Variants in GCNT4 observed in about 807,000 individuals in gnomAD.
GCNT4 encodes the protein glucosaminyl (N-acetyl) transferase 4.
Under a neutral mutation model 31.3 loss-of-function variants are expected in GCNT4, and 17 were observed. The ratio of observed to expected loss-of-function variants is 0.54; its 90% confidence interval spans 0.37 to 0.81. The LOEUF (loss-of-function observed/expected upper bound fraction) is 0.81. GCNT4 is among the 40% of genes least tolerant of loss of function. The pLI, the probability that GCNT4 is intolerant of heterozygous loss-of-function variation, is 0.00. For synonymous variants in GCNT4, 158 were observed against 190.6 expected (o/e 0.83, Z 1.41); for missense variants, 503 against 525.5 (o/e 0.96, Z 0.42).
intron 3 of GCNT4, among the ~76,000 whole-genome samples, chr5:75,035,503 ACT>A (rs1743176335): frequency 1.3e-5 from 2 of 152,030 alleles, no homozygotes; most frequent in African/African-American, 4.8e-5. Flanking sequence ...CCCTGGACGA[ACT>A]CTTAGTAGCT....
chr5:75,035,646 C>T (rs1022252257), intron 3 of GCNT4, among the ~76,000 whole-genome samples: 2 of 152,332 alleles, frequency 1.3e-5, no homozygotes, highest in Non-Finnish European at 2.9e-5. Context: ...TCCTCCTCAC[C>T]GGGTGTGACC....
intron 3 of GCNT4, among the ~76,000 whole-genome samples, chr5:75,044,839 G>A (rs1415508510): frequency 6.6e-6 from 1 of 152,044 alleles, no homozygotes; most frequent in Non-Finnish European, 1.5e-5. Context: ...CTTCAGGTTT[G>A]ACATTTTTTC....
At chr5:75,023,432 A>C (rs973294499), downstream of GCNT4, among the ~76,000 whole-genome samples, 1 of 152,216 alleles carries the variant, frequency 6.6e-6, no homozygotes, top group African/African-American at 2.4e-5. Flanking sequence ...CTTCAGGATT[A>C]TAATTTCTCT....
At chr5:75,043,766 C>T (rs957327115) in intron 3 of GCNT4, among the ~76,000 whole-genome samples, 1 of 152,084 alleles carries the variant, frequency 6.6e-6, no homozygotes, top group South Asian at 2.1e-4. Flanking sequence ...GAAAGATGAC[C>T]GTAGGAAAAG....
At chr5:75,049,929 C>T (rs143347046) in intron 2 of GCNT4, among the ~76,000 whole-genome samples, 53 of 152,376 alleles carry the variant, frequency 3.5e-4, no homozygotes, top group Non-Finnish European at 6.2e-4. Flanking sequence ...AAACCACCAG[C>T]ACTAAGGTTT....
intron 3 of GCNT4, among the ~76,000 whole-genome samples, chr5:75,043,480 A>AT (rs1029537586): frequency 7.2e-5 from 11 of 152,188 alleles, no homozygotes; most frequent in Non-Finnish European, 1.6e-4. Flanking sequence ...ATAATGTGGG[A>AT]TTTTGGGAAA....
chr5:75,028,881 T>C lies in GCNT4; in HGVS notation c.1157A>G (p.His386Arg). Reference protein sequence around the residue: ...GFFYPSCTGSHLRSVCIYGAA... With the variant: ...GFFYPSCTGSRLRSVCIYGAA... ...TCCATAAATACACACGCTTCGAAGG[T>C]GAGATCCAGTACAACTGGGATAGAA... Residue 386 changes from histidine (H) to arginine (R), a missense_variant, in exon 4 of 4, where the codon CAC becomes CGC. Physicochemically the swap from His to Arg is conservative, Grantham distance 29. Transcript: ENST00000652361. 1 of 1,613,998 alleles carries C rather than the reference T, an allele frequency of 6.2e-7. No individual in the cohort carries two copies. The highest frequency in any genetic ancestry group is 8.5e-7 in the Non-Finnish European group (1 of 1,179,976).
chr5:75,050,615 G>A (rs1039901007), intron 2 of GCNT4, among the ~76,000 whole-genome samples: 3 of 152,116 alleles, frequency 2.0e-5, no homozygotes, highest in Non-Finnish European at 4.4e-5. Context: ...AGCCTCGAAA[G>A]CTGCCCAGAC....
Position 75,029,878 on chromosome 5 carries a change from G to T in GCNT4, c.160C>A (p.Pro54Thr), listed in dbSNP as rs1743024981. The part of the protein sequence containing the change: ...YLVEYSLSTS[P>T]FVRNRYTHVK... ...TGAGTGTATCTGTTTCTTACAAAAG[G>T]CGAGGTACTTAGGGAGTACTCAACC... The change falls in exon 4 of 4, where the codon CCT becomes ACT. Residue 54 changes from proline (P) to threonine (T), a missense_variant. Pro to Thr is a conservative substitution (Grantham distance 38, BLOSUM62 -1). Transcript: ENST00000652361. 1 of 1,614,092 alleles carries T rather than the reference G, an allele frequency of 6.2e-7. No individual in the cohort carries two copies. Among genetic ancestry groups the T allele is most frequent in the African/African-American group, 1.3e-5 (1 of 75,022 alleles).
chr5:75,052,571 A>T (rs1021135545), upstream of GCNT4: 34 of 152,272 alleles, frequency 2.2e-4, no homozygotes, highest in African/African-American at 8.2e-4. Context: ...GGCACAAAAA[A>T]CTTGACCTTA....
At chr5:75,030,662 T>C (rs566305306) in intron 3 of GCNT4, 1 of 167,212 alleles carries the variant, frequency 6.0e-6, no homozygotes, top group South Asian at 2.1e-4. Context: ...ACACCCATTT[T>C]CACACAGGGA....
intron 3 of GCNT4, 182 bp downstream of exon 3, chr5:75,047,708 GTTTTTTT>G (rs937721515): frequency 6.7e-6 from 1 of 148,838 alleles, no homozygotes; most frequent in Non-Finnish European, 1.5e-5. Flanking sequence ...ACATTTTAGG[GTTTTTTT>G]TTTAAATTAA....
At chr5:75,018,628 C>T in the GCNT4 span, among the ~76,000 whole-genome samples, 4 of 152,070 alleles carry the variant, frequency 2.6e-5, no homozygotes, top group Non-Finnish European at 5.9e-5. Flanking sequence ...TGAATTAGAT[C>T]TTCTGACAGG....
the GCNT4 span, among the ~76,000 whole-genome samples, chr5:75,017,888 T>C: frequency 6.6e-6 from 1 of 152,248 alleles, no homozygotes; most frequent in African/African-American, 2.4e-5. Context: ...AAAAGCATCA[T>C]AGAGGGTTTT....
chr5:75,019,339 G>A, the GCNT4 span, among the ~76,000 whole-genome samples: 24 of 152,336 alleles, frequency 1.6e-4, no homozygotes, highest in South Asian at 6.2e-4. Context: ...TTCCACAAGC[G>A]TGAGAAATAA....
At chr5:75,020,851 G>A (rs568954112), downstream of GCNT4, among the ~76,000 whole-genome samples, 1 of 152,282 alleles carries the variant, frequency 6.6e-6, no homozygotes, top group South Asian at 2.1e-4. Context: ...ATGGGGTGAA[G>A]GGGTGGATAG....
At chr5:75,041,841 G>A (rs1472056429) in intron 3 of GCNT4, among the ~76,000 whole-genome samples, 4 of 152,210 alleles carry the variant, frequency 2.6e-5, no homozygotes, top group Non-Finnish European at 5.9e-5. Flanking sequence ...AAGATACATG[G>A]CTAAAGTCTT....
intron 2 of GCNT4, among the ~76,000 whole-genome samples, chr5:75,048,827 GACC>G (rs1743504152): frequency 6.6e-6 from 1 of 152,196 alleles, no homozygotes; most frequent in African/African-American, 2.4e-5. Flanking sequence ...AGAAGCTAGT[GACC>G]ACAAGACGGA....
downstream of GCNT4, among the ~76,000 whole-genome samples, chr5:75,024,479 T>C (rs1040205631): frequency 3.9e-5 from 6 of 152,128 alleles, no homozygotes; most frequent in South Asian, 2.1e-4. Context: ...GTGACTGTTA[T>C]GGGTTTAGAA....
Sources: gnomAD v4.1 joint callset for allele counts (sites outside exome capture counted in the v4.1 genomes callset) on GRCh38, gnomAD v4.1.1 for gene constraint, MANE v1.5 for transcripts, NCBI Gene and HGNC (gene_info 2026-07-23, HGNC 2026-07-21) for gene names.